Variants in TAF3 observed in about 807,000 individuals in gnomAD.
TAF3 encodes the protein TATA-box binding protein associated factor 3, also known as transcription initiation factor TFIID subunit 3.
A neutral mutation model predicts 80.6 loss-of-function variants in TAF3; 7 were observed. That is an observed-to-expected ratio of 0.09 (90% CI 0.05 to 0.16). The LOEUF (loss-of-function observed/expected upper bound fraction) is 0.16. Ranked by LOEUF, TAF3 falls within the 10% of genes least tolerant of loss-of-function variation. TAF3 has a pLI of 1.00. For missense variants in TAF3, 921 were observed against 1,140.2 expected, an observed-to-expected ratio of 0.81 and a Z score of 2.77; for synonymous variants, 444 against 446.1, an observed-to-expected ratio of 1.00 and a Z score of 0.06.
intron 2 of TAF3, among the ~76,000 whole-genome samples, chr10:7,917,713 G>A (rs1837724679): frequency 6.6e-6 from 1 of 152,226 alleles, no homozygotes; most frequent in Admixed American, 6.5e-5. Context: ...AGCCTAACAA[G>A]CAGTTGTGCT....
At chr10:7,865,514 C>A (rs1413434856) in intron 2 of TAF3, among the ~76,000 whole-genome samples, 1 of 151,322 alleles carries the variant, frequency 6.6e-6, no homozygotes, top group African/African-American at 2.4e-5. Flanking sequence ...AAGAAACAAA[C>A]AGAAAGTAGG....
chr10:7,964,780 A>C lies in TAF3; in HGVS notation c.1270A>C (p.Lys424Gln). 3 of 1,614,124 alleles carry C rather than the reference A, an allele frequency of 1.9e-6. No homozygotes were observed. The highest frequency in any genetic ancestry group is 2.5e-6 in the Non-Finnish European group (3 of 1,180,030). ...ESEGDIFTSP[K>Q]RISGPECTTP... ...TGAAGGAGACATTTTTACTAGCCCTAAGAGAATTTCAGGCCCGGAGTGTAC... is the reference window on the plus strand; with the variant it reads ...TGAAGGAGACATTTTTACTAGCCCTCAGAGAATTTCAGGCCCGGAGTGTAC... The change falls in exon 3 of 7, where the codon AAG (lysine) becomes CAG (glutamine). Residue 424 changes from lysine to glutamine, a missense_variant. Around this residue, in one of 6 missense-constraint regions of TAF3, gnomAD observed 743 missense variants for 821.0 expected, o/e 0.90. Coordinates refer to ENST00000344293, the MANE Select transcript of TAF3 (RefSeq NM_031923.4). The surrounding 1 kb of genome is among the most constrained non-coding windows in gnomAD (Gnocchi z 4.1).
At chr10:7,827,688 G>C (rs1322704654) in intron 2 of TAF3, among the ~76,000 whole-genome samples, 1 of 151,866 alleles carries the variant, frequency 6.6e-6, no homozygotes, top group Non-Finnish European at 1.5e-5. Context: ...GCTGAGGCAG[G>C]AGAATGGCGT....
In TAF3 at chr10:7,964,901, G is replaced by T. The variant is rs1831553556; in HGVS notation, c.1391G>T (p.Trp464Leu). ...GGAACCTCAAGTTCCGATAACTCAT[G>T]GACAATGGATGCCTCCATTGATGAG... ...SGGTSSSDNS[W>L]TMDASIDEVV... The change falls in exon 3 of 7, where the codon TGG becomes TTG. Residue 464 changes from tryptophan to leucine, a missense_variant. By Grantham distance (61) the Trp-to-Leu change is moderately conservative. This residue lies in a region of TAF3 where 743 missense variants were observed against 821.0 expected (regional missense o/e 0.90). Transcript: ENST00000344293. This position sits in a 1 kb window ranked among gnomAD's most constrained non-coding sequence, Gnocchi z 4.1. The T allele has an allele frequency of 6.2e-7, 1 of 1,613,972 alleles. No homozygotes were observed. The highest frequency in any genetic ancestry group is 1.3e-5 in the African/African-American group (1 of 74,882).
At chr10:7,973,836 T>C (rs1831643748) in intron 3 of TAF3, among the ~76,000 whole-genome samples, 1 of 152,130 alleles carries the variant, frequency 6.6e-6, no homozygotes, top group Admixed American at 6.5e-5. Context: ...ATTTAAAAAA[T>C]ATATTGGAGA....
chr10:7,887,017 C>T (rs564622930), intron 2 of TAF3, among the ~76,000 whole-genome samples: 54 of 152,060 alleles, frequency 3.6e-4, no homozygotes, highest in African/African-American at 1.2e-3. Context: ...AGGCGGATCA[C>T]GAGGTCAGGA....
rs184455115 is a variant in TAF3 at position 7,954,129 on chromosome 10, A to G, written c.410-9791A>G. 2.1e-4 allele frequency among the ~76,000 whole-genome samples: 25 copies of G among 120,608 alleles called. 2 individuals carry two copies. The East Asian group carries it at 2.9e-3, about 14-fold the overall frequency. 79.1% of individuals were successfully genotyped at this position (120,608 alleles called of 152,430 possible). ...AGTGCACTCCATAGGTGAATGAATG[A>G]ATTAGTCCCAGTTAACACAGAGCTC... On this transcript the variant is annotated intron_variant, in intron 2 of 6. Coordinates refer to ENST00000344293, the MANE Select transcript of TAF3 (RefSeq NM_031923.4).
chr10:8,007,562 T>TTTTATATA (rs1491164847), intron 4 of TAF3, among the ~76,000 whole-genome samples: 1 of 60,510 alleles, frequency 1.7e-5, no homozygotes, highest in African/African-American at 7.5e-5. Flanking sequence ...GTGTGTGAAA[T>TTTTATATA]TATATATATA....
chr10:7,843,446 C>A (rs1836938933), intron 2 of TAF3, among the ~76,000 whole-genome samples: 2 of 152,152 alleles, frequency 1.3e-5, no homozygotes, highest in South Asian at 4.1e-4. Flanking sequence ...TGTCTTCCAT[C>A]ATTTTTTGAT....
In TAF3 at chr10:7,848,873, A is replaced by G. The variant is rs78758983; in HGVS notation, c.409+24313A>G. ...ATACTGCACAGTTGTCAGGCCTGCC[A>G]AAATGGTATGTAGCCTACTGTGTCA... is the stretch of plus-strand genomic sequence containing the variant. On this transcript the variant is annotated intron_variant, in intron 2 of 6. Coordinates refer to ENST00000344293, the MANE Select transcript of TAF3 (RefSeq NM_031923.4). Among the ~76,000 whole-genome samples the G allele has an allele frequency of 7.4e-3, 1,134 of 152,336 alleles. 10 individuals carry two copies. Among genetic ancestry groups the G allele is most frequent in the South Asian group, 0.059 (287 of 4,826 alleles).
Position 8,014,780 on chromosome 10 carries a change from G to T in TAF3, c.*29G>T, listed in dbSNP as rs372368199. 2.6e-6 allele frequency: 4 copies of T among 1,547,842 alleles called. No homozygotes were observed. Among genetic ancestry groups the T allele is most frequent in the Non-Finnish European group, 3.5e-6 (4 of 1,143,478 alleles). On this transcript the variant is annotated 3_prime_UTR_variant, in exon 7 of 7. Coordinates refer to ENST00000344293, the MANE Select transcript of TAF3 (RefSeq NM_031923.4). ...CTCCCGAGGGGCTGGACCAAGCGGG[G>T]TCAGCCCGGGCTTCTTCCCTGGCGC...
In TAF3 at chr10:7,963,902, T is replaced by C; in HGVS notation, c.410-18T>C. On this transcript the variant is annotated intron_variant, in intron 2 of 6. Transcript: ENST00000344293. Reference sequence around the variant, plus strand: ...CCAATAATATTTATTTTTTTCTTCCTTTTTCTTCCTTTACCAGAAGAAGAA... The same window carrying C: ...CCAATAATATTTATTTTTTTCTTCCCTTTTCTTCCTTTACCAGAAGAAGAA... 6.6e-7 allele frequency: 1 copy of C among 1,524,126 alleles called. No individual in the cohort carries two copies. Among genetic ancestry groups the C allele is most frequent in the Non-Finnish European group, 8.8e-7 (1 of 1,139,794 alleles). 94.4% of individuals were successfully genotyped at this position (1,524,126 alleles called of 1,614,324 possible).
intron 3 of TAF3, among the ~76,000 whole-genome samples, chr10:7,970,743 T>C (rs1449515225): frequency 1.3e-5 from 2 of 152,248 alleles, no homozygotes; most frequent in Non-Finnish European, 2.9e-5. Context: ...TAATGTTTCT[T>C]TATCCCCAAG....
At chr10:7,866,743 C>T (rs950913345) in intron 2 of TAF3, among the ~76,000 whole-genome samples, 11 of 152,004 alleles carry the variant, frequency 7.2e-5, no homozygotes, top group African/African-American at 2.4e-4. Flanking sequence ...GGAAAAAGAC[C>T]CTAGAAAGCC....
rs1447103736 is a variant in TAF3 at position 8,010,153 on chromosome 10, C to G, written c.2568+823C>G. Among the ~76,000 whole-genome samples, 5 of 152,320 alleles carry G rather than the reference C, an allele frequency of 3.3e-5. No homozygotes were observed. In the East Asian group the frequency reaches 9.6e-4, roughly 29 times the overall value. On this transcript the variant is annotated intron_variant, in intron 5 of 6. Coordinates refer to ENST00000344293, the MANE Select transcript of TAF3 (RefSeq NM_031923.4). The stretch of plus-strand genomic sequence containing the variant: ...AGCTCCTGAGCTCCAGCAATCCACC[C>G]ATTTCTGCCTCCCAACGTGCTGAGA...
chr10:7,923,109 A>T (rs1384211016), intron 2 of TAF3, among the ~76,000 whole-genome samples: 1 of 152,136 alleles, frequency 6.6e-6, no homozygotes, highest in Non-Finnish European at 1.5e-5. Context: ...AAGCAACTGT[A>T]TTTACATTCT....
At chr10:7,819,283 G>T (rs184407393) in intron 1 of TAF3, among the ~76,000 whole-genome samples, 1 of 152,006 alleles carries the variant, frequency 6.6e-6, no homozygotes, top group African/African-American at 2.4e-5. Context: ...TGTCACAGGC[G>T]CTCCGTCTAC....
intron 2 of TAF3, among the ~76,000 whole-genome samples, chr10:7,908,789 GT>G: frequency 6.6e-6 from 1 of 152,264 alleles, no homozygotes. Flanking sequence ...GATCTTCTGT[GT>G]TTGAAGTGGT....
chr10:7,833,327 A>T (rs2131106669), intron 2 of TAF3, among the ~76,000 whole-genome samples: 1 of 152,350 alleles, frequency 6.6e-6, no homozygotes, highest in East Asian at 1.9e-4. Context: ...AACAGTGTAC[A>T]AGGATTCCCC....
Sources: gnomAD v4.1 joint callset for allele counts (sites outside exome capture counted in the v4.1 genomes callset) on GRCh38, gnomAD v4.1.1 for gene constraint, gnomAD v4.1.1 regional missense constraint, Gnocchi (gnomAD v3.1) non-coding constraint, MANE v1.5 for transcripts, NCBI Gene and HGNC (gene_info 2026-07-23, HGNC 2026-07-21) for gene names.